Variants in PAFAH1B2 observed in about 807,000 individuals in gnomAD.
The protein encoded by PAFAH1B2 is platelet activating factor acetylhydrolase 1b catalytic subunit 2, also known as platelet-activating factor acetylhydrolase IB subunit alpha2.
PAFAH1B2 carries 8 observed loss-of-function variants against 28.0 expected under a neutral mutation model. That is an observed-to-expected ratio of 0.29 (90% CI 0.17 to 0.52). PAFAH1B2 has a LOEUF of 0.52. Among genes scored for constraint, PAFAH1B2 ranks in the 20% least tolerant of loss-of-function variants. The pLI, the probability that PAFAH1B2 is intolerant of heterozygous loss-of-function variation, is 0.97. For missense variants in PAFAH1B2, 190 were observed against 282.6 expected (o/e 0.67, Z 2.35); for synonymous variants, 104 against 103.2 (o/e 1.01, Z -0.05).
downstream of PAFAH1B2, chr11:117,175,814 C>T (rs2134239873): frequency 1.6e-6 from 2 of 1,269,430 alleles, no homozygotes; most frequent in South Asian, 2.7e-5. Context: ...TGCCTGTAAT[C>T]CAGCTACTCG....
chr11:117,175,212 G>T, downstream of PAFAH1B2: 3 of 1,102,318 alleles, frequency 2.7e-6, no homozygotes, highest in East Asian at 4.6e-5. Flanking sequence ...GCGGTAGCTG[G>T]ACCTGTGCAC....
At chr11:117,155,868 T>C (rs183774865) in intron 2 of PAFAH1B2, among the ~76,000 whole-genome samples, 2 of 151,934 alleles carry the variant, frequency 1.3e-5, no homozygotes, top group East Asian at 1.9e-4. Flanking sequence ...CCCCCCAAAA[T>C]AGCAAACAAA....
downstream of PAFAH1B2, among the ~76,000 whole-genome samples, chr11:117,173,781 G>C (rs995646296): frequency 1.3e-5 from 2 of 152,198 alleles, no homozygotes; most frequent in African/African-American, 4.8e-5. Context: ...AGTCCTTGCA[G>C]GAAGAGAGAT....
rs572521890 is a variant in PAFAH1B2 at position 117,148,804 on chromosome 11, AAG to A, written c.-7-3634_-7-3633del. On this transcript the variant is annotated intron_variant, in intron 1 of 5. Transcript: ENST00000527958. The stretch of plus-strand genomic sequence containing the variant: ...AATTTATATAGATCATTGGTCTTGA[AAG>A]AGTGTGTGTATGCACCTCTGGGGAT... 9.9e-4 allele frequency among the ~76,000 whole-genome samples: 150 copies of A among 152,244 alleles called. 1 individual carries two copies. The highest frequency in any genetic ancestry group is 3.5e-3 in the African/African-American group (146 of 41,540).
At chr11:117,164,360 T>C (rs182472997) in intron 5 of PAFAH1B2, among the ~76,000 whole-genome samples, 13 of 151,874 alleles carry the variant, frequency 8.6e-5, no homozygotes, top group Non-Finnish European at 1.3e-4. Context: ...TGAGCAGAGA[T>C]TGTGCCACTG....
At chr11:117,144,755 C>A (rs1451317628) in intron 1 of PAFAH1B2, among the ~76,000 whole-genome samples, 1 of 152,058 alleles carries the variant, frequency 6.6e-6, no homozygotes, top group African/African-American at 2.4e-5. Flanking sequence ...CCCGCCCTGC[C>A]CTGCCCTGCC....
Position 117,163,874 on chromosome 11 carries a change from G to C in PAFAH1B2, c.393G>C (p.Gln131His). 1.9e-6 allele frequency: 3 copies of C among 1,613,992 alleles called. No individual in the cohort carries two copies. The highest frequency in any genetic ancestry group is 2.5e-6 in the Non-Finnish European group (3 of 1,179,912). The change falls in exon 5 of 6, where the codon CAG (glutamine) becomes CAC (histidine). Residue 131 changes from glutamine (Q) to histidine (H), a missense_variant. Transcript: ENST00000527958. ...IVQLINTRQP[Q>H]AKIIVLGLLP... The stretch of plus-strand genomic sequence containing the variant: ...AACTTATCAACACAAGGCAGCCACA[G>C]GCCAAAATCATTGTATTGGTATGTA...
At chr11:117,159,037 C>A (rs1018969828) in intron 2 of PAFAH1B2, among the ~76,000 whole-genome samples, 1 of 152,168 alleles carries the variant, frequency 6.6e-6, no homozygotes, top group Non-Finnish European at 1.5e-5. Flanking sequence ...AGTGGTCCAG[C>A]AAACATGCAC....
intron 2 of PAFAH1B2, among the ~76,000 whole-genome samples, chr11:117,159,019 A>G (rs1220552742): frequency 2.0e-5 from 3 of 152,228 alleles, no homozygotes; most frequent in African/African-American, 4.8e-5. Flanking sequence ...TTTGCATTCT[A>G]CTTCACAAGT....
Position 117,169,991 on chromosome 11 carries a change from T to G in PAFAH1B2, c.*2292T>G, listed in dbSNP as rs1260511787. 2.2e-5 allele frequency: 23 copies of G among 1,053,890 alleles called. No individual in the cohort carries two copies. Among genetic ancestry groups the G allele is most frequent in the Non-Finnish European group, 2.5e-5 (22 of 872,288 alleles). 65.3% of individuals were successfully genotyped at this position (1,053,890 alleles called of 1,614,324 possible). On this transcript the variant is annotated 3_prime_UTR_variant, in exon 6 of 6. Transcript: ENST00000527958. ...GTACAAACCTCAGATGTTACTACAT[T>G]TTATATCTACCAGAGCTATTCAAGC...
chr11:117,158,558 C>T (rs1198849781), intron 2 of PAFAH1B2, among the ~76,000 whole-genome samples: 2 of 150,710 alleles, frequency 1.3e-5, no homozygotes, highest in African/African-American at 4.9e-5. Flanking sequence ...TGATATAATA[C>T]TTTATTGAAC....
At position 117,168,987 on chromosome 11, in the gene PAFAH1B2, C is replaced by A; in HGVS notation, c.*1288C>A. The A allele has an allele frequency of 2.9e-6, 1 of 350,030 alleles. No individual in the cohort carries two copies. 21.7% of individuals were successfully genotyped at this position (350,030 alleles called of 1,614,324 possible). On this transcript the variant is annotated 3_prime_UTR_variant, in exon 6 of 6. Coordinates refer to ENST00000527958, the MANE Select transcript of PAFAH1B2 (RefSeq NM_002572.4). ...TATATTTTTATTAGAGACGGGATTT[C>A]GCCATGTTAACCAGGCTGGTCTCGA... is the stretch of plus-strand genomic sequence containing the variant.
rs1956564027 is a variant in PAFAH1B2 at position 117,168,446 on chromosome 11, G to GCTTTTTGTTTTTTTT, written c.*747_*748insCTTTTTGTTTTTTTT. ...TCCCCTTCATTCCCCCCGCCACCCCGTTTTTTTTTTTTTTTTTTTTTTTTT... is the reference window on the plus strand; with the variant it reads ...TCCCCTTCATTCCCCCCGCCACCCCGCTTTTTGTTTTTTTTTTTTTTTTTTTTTTTTTTTTTTTTT... On this transcript the variant is annotated 3_prime_UTR_variant, in exon 6 of 6. Transcript: ENST00000527958. 1 of 205,914 alleles carries GCTTTTTGTTTTTTTT rather than the reference G, an allele frequency of 4.9e-6. No individual in the cohort carries two copies. Among genetic ancestry groups the GCTTTTTGTTTTTTTT allele is most frequent in the Non-Finnish European group, 5.7e-6 (1 of 175,976 alleles). The allele number at this position is 205,914 out of a possible 1,614,324, so 12.8% of individuals were successfully genotyped here. A position where few individuals can be genotyped will look rare whatever the true frequency, so the allele number is the denominator to read the frequency against.
chr11:117,165,097 A>G (rs1317177036), intron 5 of PAFAH1B2, among the ~76,000 whole-genome samples: 1 of 150,138 alleles, frequency 6.7e-6, no homozygotes, highest in African/African-American at 2.4e-5. Flanking sequence ...CTGGGACTAC[A>G]GGCGCCCGCC....
intron 3 of PAFAH1B2, among the ~76,000 whole-genome samples, chr11:117,160,597 T>C (rs1209323640): frequency 2.0e-5 from 3 of 152,142 alleles, no homozygotes; most frequent in Non-Finnish European, 4.4e-5. Context: ...GTTGGGATTA[T>C]AGGCATGTGC....
At position 117,160,398 on chromosome 11, in the gene PAFAH1B2, A is replaced by G. The variant is rs142490503; in HGVS notation, c.171+375A>G. ...CTTACTTATATTTTGCCATTTTCCT[A>G]TTTCATATATTTTTGTAGTAAGCTA... On this transcript the variant is annotated intron_variant, in intron 3 of 5. Transcript: ENST00000527958. 7.9e-5 allele frequency among the ~76,000 whole-genome samples: 12 copies of G among 152,214 alleles called. No homozygotes were observed. In the East Asian group the frequency reaches 2.1e-3, roughly 27 times the overall value.
chr11:117,170,070 T>G lies in PAFAH1B2; in HGVS notation c.*2371T>G. ...ATAAAATTCTGCCCCATTACTGATG[T>G]GCAGATATTGAGTTCACTTTCATTT... On this transcript the variant is annotated 3_prime_UTR_variant, in exon 6 of 6. Transcript: ENST00000527958. 9.5e-7 allele frequency: 1 copy of G among 1,056,022 alleles called. No homozygotes were observed. 65.4% of individuals were successfully genotyped at this position (1,056,022 alleles called of 1,614,324 possible).
At chr11:117,148,038 CTTT>C (rs1772331505) in intron 1 of PAFAH1B2, among the ~76,000 whole-genome samples, 1 of 147,748 alleles carries the variant, frequency 6.8e-6, no homozygotes, top group Non-Finnish European at 1.5e-5. Context: ...TAGAATTTAT[CTTT>C]TTTCTTTTTT....
chr11:117,147,728 CAAAG>C (rs148921982), intron 1 of PAFAH1B2, among the ~76,000 whole-genome samples: 4,638 of 152,198 alleles, frequency 0.03, 219 homozygotes, highest in African/African-American at 0.11. Flanking sequence ...TCAGAAGACA[CAAAG>C]AAACACATTT....
Sources: gnomAD v4.1 joint callset for allele counts (sites outside exome capture counted in the v4.1 genomes callset) on GRCh38, gnomAD v4.1.1 for gene constraint, MANE v1.5 for transcripts, NCBI Gene and HGNC (gene_info 2026-07-23, HGNC 2026-07-21) for gene names.